AGTPBP1: variants seen among roughly 807,000 people sequenced by gnomAD.
The protein encoded by AGTPBP1 is cytosolic carboxypeptidase 1.
Under a neutral mutation model 143.9 loss-of-function variants are expected in AGTPBP1, and 70 were observed. That is an observed-to-expected ratio of 0.49 (90% CI 0.40 to 0.59). AGTPBP1 has a LOEUF of 0.59. Among genes scored for constraint, AGTPBP1 ranks in the 20% least tolerant of loss-of-function variants. AGTPBP1 has a pLI of 0.00. For missense variants in AGTPBP1, 1,229 were observed against 1,464.5 expected (o/e 0.84, Z 2.62); for synonymous variants, 463 against 500.2 (o/e 0.93, Z 0.99).
At chr9:85,594,827 C>T (rs76798143) in intron 18 of AGTPBP1, among the ~76,000 whole-genome samples, 1,942 of 152,204 alleles carry the variant, frequency 0.013, 39 homozygotes, top group African/African-American at 0.044. Flanking sequence ...CATTTTGCAA[C>T]GTGAAAAAGC....
chr9:85,700,034 C>T (rs1836541973), intron 2 of AGTPBP1, among the ~76,000 whole-genome samples: 1 of 152,152 alleles, frequency 6.6e-6, no homozygotes, highest in Non-Finnish European at 1.5e-5. Context: ...GAGTCTCATA[C>T]CTACTTCTGT....
the AGTPBP1 span, among the ~76,000 whole-genome samples, chr9:85,772,577 T>C: frequency 6.6e-6 from 1 of 152,078 alleles, no homozygotes; most frequent in African/African-American, 2.4e-5. Context: ...TGAGACCCTG[T>C]CTCTACGAAA....
At chr9:85,586,996 G>C (rs775189316) in intron 21 of AGTPBP1, 36 bp from the exon 22 acceptor site, 1 of 1,611,504 alleles carries the variant, frequency 6.2e-7, no homozygotes, top group African/African-American at 1.3e-5. Context: ...GAAAAACACT[G>C]GTACCCATAA....
At chr9:85,658,361 CAAAT>C (rs1312380872) in intron 9 of AGTPBP1, among the ~76,000 whole-genome samples, 2 of 151,992 alleles carry the variant, frequency 1.3e-5, no homozygotes, top group Non-Finnish European at 2.9e-5. Flanking sequence ...GTAGAATTAA[CAAAT>C]AAATCCATGT....
the AGTPBP1 span, chr9:85,786,357 T>C: frequency 1.2e-6 from 2 of 1,614,036 alleles, no homozygotes; most frequent in Non-Finnish European, 1.7e-6. Flanking sequence ...AAACAGATGA[T>C]AATCAGTTTA....
intron 23 of AGTPBP1, among the ~76,000 whole-genome samples, chr9:85,580,541 T>C (rs1300457393): frequency 1.3e-5 from 2 of 152,156 alleles, no homozygotes; most frequent in South Asian, 2.1e-4. Flanking sequence ...CAGATCATAA[T>C]TGACCAAAAC....
chr9:85,745,893 G>A (rs1431664641), upstream of AGTPBP1, among the ~76,000 whole-genome samples: 1 of 152,122 alleles, frequency 6.6e-6, no homozygotes, highest in Non-Finnish European at 1.5e-5. Context: ...TTCTAACAAA[G>A]AGCAGCCTGT....
At chr9:85,692,553 T>C (rs1159536626) in intron 3 of AGTPBP1, 136 bp downstream of exon 3, 5 of 1,042,202 alleles carry the variant, frequency 4.8e-6, no homozygotes, top group South Asian at 4.8e-5. Context: ...GGATTACAGG[T>C]GTGAGCCACC....
At chr9:85,594,811 A>G in intron 18 of AGTPBP1, among the ~76,000 whole-genome samples, 1 of 152,214 alleles carries the variant, frequency 6.6e-6, no homozygotes, top group East Asian at 1.9e-4. Context: ...TCCTGCTATG[A>G]TCATTCATTT....
chr9:85,767,992 A>G, the AGTPBP1 span, among the ~76,000 whole-genome samples: 5 of 152,186 alleles, frequency 3.3e-5, no homozygotes, highest in South Asian at 1.0e-3. Flanking sequence ...GTTGAAAAGC[A>G]GTGCTCTATC....
At chr9:85,694,739 C>T (rs1391363195) in intron 2 of AGTPBP1, among the ~76,000 whole-genome samples, 1 of 152,184 alleles carries the variant, frequency 6.6e-6, no homozygotes, top group Non-Finnish European at 1.5e-5. Context: ...TCTAATCCCA[C>T]AGCTGTAATT....
rs118166455 is a variant in AGTPBP1 at position 85,673,639 on chromosome 9, C to T, written c.437-958G>A. ...TAAGAATGTTAAGATTTATAGTAGA[C>T]ATTGGAGATACAAAAAGTGGCAGGG... On this transcript the variant is annotated intron_variant, in intron 6 of 25. Transcript: ENST00000357081. Among the ~76,000 whole-genome samples the T allele has an allele frequency of 2.6e-5, 4 of 152,018 alleles. No individual in the cohort carries two copies. The East Asian group carries it at 5.8e-4, about 22-fold the overall frequency.
In AGTPBP1 at chr9:85,619,223, T is replaced by A; in HGVS notation, c.2178A>T (p.Gln726His). 1 of 1,612,560 alleles carries A rather than the reference T, an allele frequency of 6.2e-7. No homozygotes were observed. ...AATCTTAAGTGACTTACTTTCTAAT[T>A]TGAATTACTTTGCGCAGATTCCCAG... ...FESGNLRKVI[Q>H]IRKNEYDLIL... The change falls in exon 16 of 26, where the codon CAA becomes CAT. Residue 726 changes from glutamine to histidine, a missense_variant. Coordinates refer to ENST00000357081, the MANE Select transcript of AGTPBP1 (RefSeq NM_001330701.2).
chr9:85,727,241 C>T (rs1564188944), intron 1 of AGTPBP1, among the ~76,000 whole-genome samples: 1 of 152,098 alleles, frequency 6.6e-6, no homozygotes, highest in Non-Finnish European at 1.5e-5. Flanking sequence ...GCAGAAGAAT[C>T]ACTTGAACCC....
intron 18 of AGTPBP1, among the ~76,000 whole-genome samples, chr9:85,594,283 A>C (rs1829154382): frequency 6.6e-6 from 1 of 152,244 alleles, no homozygotes; most frequent in South Asian, 2.1e-4. Context: ...AGCTGACATG[A>C]AAAGTTATGG....
intron 13 of AGTPBP1, among the ~76,000 whole-genome samples, chr9:85,639,592 T>C (rs1013446487): frequency 8.5e-5 from 13 of 152,222 alleles, no homozygotes; most frequent in Non-Finnish European, 1.8e-4. Flanking sequence ...GGACTACCTA[T>C]ATAAAACTAT....
chr9:85,660,908 C>G, intron 9 of AGTPBP1, 28 bp downstream of exon 9: 1 of 1,477,498 alleles, frequency 6.8e-7, no homozygotes. Context: ...AAAATAGTAT[C>G]TAGTATTTCT....
rs534198724 is a variant in AGTPBP1 at position 85,547,002 on chromosome 9, T to A, written c.*107A>T. 3.4e-6 allele frequency: 4 copies of A among 1,159,966 alleles called. No individual in the cohort carries two copies. In the South Asian group the frequency reaches 1.0e-4, roughly 30 times the overall value. The allele number at this position is 1,159,966 out of a possible 1,614,324, so 71.9% of individuals were successfully genotyped here. On this transcript the variant is annotated 3_prime_UTR_variant, in exon 26 of 26. Transcript: ENST00000357081. ...CCAAACTGGCCCAAGTTACTTTTTG[T>A]CTTTTTGAGTCAGCTCTGTATAAAC...
At chr9:85,754,011 CTT>C in the AGTPBP1 span, among the ~76,000 whole-genome samples, 1 of 152,058 alleles carries the variant, frequency 6.6e-6, no homozygotes, top group African/African-American at 2.4e-5. Context: ...AGTAGTGAAA[CTT>C]TTATTATTAC....
Sources: allele counts gnomAD v4.1 joint callset (sites outside exome capture counted in the v4.1 genomes callset), GRCh38; gene constraint gnomAD v4.1.1; transcripts MANE v1.5; gene names NCBI Gene and HGNC (gene_info 2026-07-23, HGNC 2026-07-21).